Variants in MUCL1 observed in about 807,000 individuals in gnomAD.
MUCL1 encodes the protein mucin like 1, also known as mucin-like protein 1.
In MUCL1, 11 loss-of-function variants were observed where a neutral mutation model predicts 9.2. The ratio of observed to expected loss-of-function variants is 1.19; its 90% CI spans 0.75 to 1.97. The LOEUF (loss-of-function observed/expected upper bound fraction) is 1.97. Among genes scored for constraint, MUCL1 ranks in the 30% most tolerant of loss-of-function variants. The probability of loss-of-function intolerance (pLI) is 0.00; values close to 1 mark genes in which losing one functional copy is unlikely to be tolerated. For synonymous variants in MUCL1, 48 were observed against 40.5 expected (o/e 1.19, Z -0.71); for missense variants, 144 against 110.9 (o/e 1.30, Z -1.34).
At chr12:54,835,647 C>T (rs1959191994), upstream of MUCL1, among the ~76,000 whole-genome samples, 1 of 142,362 alleles carries the variant, frequency 7.0e-6, no homozygotes, top group Non-Finnish European at 1.5e-5. Flanking sequence ...AGCTCCTTGT[C>T]TTGTTCCAGG....
upstream of MUCL1, among the ~76,000 whole-genome samples, chr12:54,838,696 T>C (rs536571913): frequency 6.6e-6 from 1 of 152,288 alleles, no homozygotes; most frequent in East Asian, 1.9e-4. Flanking sequence ...AAAATTCTTC[T>C]TGGTCTAGTC....
At chr12:54,857,812 C>G (rs1868312070) in intron 3 of MUCL1, among the ~76,000 whole-genome samples, 1 of 152,150 alleles carries the variant, frequency 6.6e-6, no homozygotes, top group South Asian at 2.1e-4. Context: ...TTGCTTTATA[C>G]TTTTTCATGT....
At chr12:54,853,294 C>T (rs548564484), upstream of MUCL1, among the ~76,000 whole-genome samples, 17 of 152,270 alleles carry the variant, frequency 1.1e-4, no homozygotes, top group South Asian at 1.5e-3. Context: ...CTCTTTGAGG[C>T]CTCAGTTGGG....
At chr12:54,835,325 T>C (rs1234748431), upstream of MUCL1, among the ~76,000 whole-genome samples, 1 of 152,136 alleles carries the variant, frequency 6.6e-6, no homozygotes, top group Non-Finnish European at 1.5e-5. Flanking sequence ...CTTTGAGAAC[T>C]CTCCATACTG....
intron 1 of MUCL1, among the ~76,000 whole-genome samples, chr12:54,848,798 C>A (rs1381649283): frequency 6.6e-6 from 1 of 152,120 alleles, no homozygotes; most frequent in African/African-American, 2.4e-5. Flanking sequence ...TAAAAATATG[C>A]TCTGATATTT....
chr12:54,836,067 A>G (rs1565774119), upstream of MUCL1, among the ~76,000 whole-genome samples: 1 of 152,054 alleles, frequency 6.6e-6, no homozygotes, highest in South Asian at 2.1e-4. Flanking sequence ...TGTCCTCTTC[A>G]TGCTTTGGTA....
At chr12:54,854,676 G>T (rs768696350) in intron 1 of MUCL1, 36 bp downstream of exon 1, 1 of 1,568,444 alleles carries the variant, frequency 6.4e-7, no homozygotes, top group South Asian at 1.1e-5. Flanking sequence ...TAAGTTTTGT[G>T]GGAATATACA....
At position 54,854,561 on chromosome 12, in the gene MUCL1, C is replaced by T. The variant is rs1868284841; in HGVS notation, c.-22C>T. On this transcript the variant is annotated 5_prime_UTR_variant, in exon 1 of 4. Coordinates refer to ENST00000308796, the MANE Select transcript of MUCL1 (RefSeq NM_058173.3). ...GCTTTGAAGCATTTTTGTCTGTGCT[C>T]CCTGATCTTCAGGTCACCACCATGA... The T allele has an allele frequency of 6.2e-7, 1 of 1,609,268 alleles. No homozygotes were observed. Among genetic ancestry groups the T allele is most frequent in the Non-Finnish European group, 8.5e-7 (1 of 1,177,406 alleles).
At chr12:54,850,302 C>A (rs531050819), upstream of MUCL1, among the ~76,000 whole-genome samples, 105 of 136,770 alleles carry the variant, frequency 7.7e-4, no homozygotes, top group African/African-American at 3.0e-3. Context: ...AATGCTATCC[C>A]TCCCCCCTCC....
intron 2 of MUCL1, 141 bp from the exon 3 acceptor site, chr12:54,856,629 G>C: frequency 8.8e-7 from 1 of 1,141,780 alleles, no homozygotes; most frequent in East Asian, 2.6e-5. Flanking sequence ...AAAGTAGGCA[G>C]GTAGGCTAAA....
At chr12:54,855,639 A>G (rs1057408120) in intron 2 of MUCL1, among the ~76,000 whole-genome samples, 1 of 151,530 alleles carries the variant, frequency 6.6e-6, no homozygotes, top group African/African-American at 2.5e-5. Flanking sequence ...GTAATGGTCT[A>G]TATTCCTTAT....
chr12:54,842,977 G>T (rs11171124), intron 1 of MUCL1, among the ~76,000 whole-genome samples: 1 of 151,992 alleles, frequency 6.6e-6, no homozygotes, highest in Non-Finnish European at 1.5e-5. Flanking sequence ...AAATATTCCC[G>T]CTGTGTTACA....
At chr12:54,854,423 C>T (rs1200014652), upstream of MUCL1, 5 of 581,422 alleles carry the variant, frequency 8.6e-6, no homozygotes, top group East Asian at 2.9e-5. Flanking sequence ...TGTGTCCCAA[C>T]GTTTCCTGGC....
At chr12:54,854,996 T>C (rs1868288437) in intron 1 of MUCL1, 120 bp from the exon 2 acceptor site, 1 of 802,416 alleles carries the variant, frequency 1.2e-6, no homozygotes, top group South Asian at 1.6e-5. Flanking sequence ...CCTCAACTGG[T>C]ACACCAAGGA....
At chr12:54,837,602 A>G (rs527322728), upstream of MUCL1, among the ~76,000 whole-genome samples, 31 of 150,624 alleles carry the variant, frequency 2.1e-4, 1 homozygote, top group South Asian at 4.8e-3. Flanking sequence ...TGTCTCTACT[A>G]AAAAAAAATA....
intron 1 of MUCL1, among the ~76,000 whole-genome samples, chr12:54,844,066 G>A (rs1014880165): frequency 6.6e-6 from 1 of 151,980 alleles, no homozygotes; most frequent in Non-Finnish European, 1.5e-5. Context: ...TGAATGTTTT[G>A]TAAATTTTCT....
chr12:54,847,519 G>A (rs561720444), intron 1 of MUCL1, among the ~76,000 whole-genome samples: 2 of 152,290 alleles, frequency 1.3e-5, no homozygotes, highest in South Asian at 4.1e-4. Flanking sequence ...GGAGGCTAAG[G>A]CAGGAGAATT....
At chr12:54,850,227 G>A (rs1959316445), upstream of MUCL1, among the ~76,000 whole-genome samples, 2 of 152,018 alleles carry the variant, frequency 1.3e-5, no homozygotes, top group Admixed American at 1.3e-4. Context: ...TGTTACATAT[G>A]TATACATGTG....
At chr12:54,832,418 C>G (rs901573760) in intron 1 of MUCL1, among the ~76,000 whole-genome samples, 1 of 152,036 alleles carries the variant, frequency 6.6e-6, no homozygotes, top group African/African-American at 2.4e-5. Context: ...ATAATTTCCT[C>G]TGTTTTATGT....
Sources: gnomAD v4.1 joint callset for allele counts (sites outside exome capture counted in the v4.1 genomes callset) on GRCh38, gnomAD v4.1.1 for gene constraint, MANE v1.5 for transcripts, NCBI Gene and HGNC (gene_info 2026-07-23, HGNC 2026-07-21) for gene names.